The following CSMD1 variants were observed in gnomAD, a reference collection of about 807,000 sequenced individuals.
The protein encoded by CSMD1 is CUB and Sushi multiple domains 1.
CSMD1 carries 213 observed loss-of-function variants against 417.5 expected under a neutral mutation model. That is an observed-to-expected ratio of 0.51 (90% CI 0.46 to 0.57). The LOEUF (loss-of-function observed/expected upper bound fraction) is 0.57, where lower values mean the gene tolerates loss of function less well. Among genes scored for constraint, CSMD1 ranks in the 20% least tolerant of loss-of-function variants. The pLI, the probability that CSMD1 is intolerant of heterozygous loss-of-function variation, is 0.00. For synonymous variants in CSMD1, 2,862 were observed against 1,736.8 expected (o/e 1.65, Z -16.11); for missense variants, 6,923 against 4,529.7 (o/e 1.53, Z -15.17).
chr8:3,248,047 G>A (rs1799999631), intron 26 of CSMD1, among the ~76,000 whole-genome samples: 1 of 152,144 alleles, frequency 6.6e-6, no homozygotes, highest in African/African-American at 2.4e-5. Flanking sequence ...AACAACACCG[G>A]CTGTGCAAAG....
chr8:4,942,066 A>C (rs1157225113), intron 1 of CSMD1, among the ~76,000 whole-genome samples: 1 of 152,160 alleles, frequency 6.6e-6, no homozygotes, highest in Non-Finnish European at 1.5e-5. Context: ...TACTTTAAGA[A>C]TCTCTCTTCA....
At chr8:4,512,952 C>T (rs939541485) in intron 2 of CSMD1, among the ~76,000 whole-genome samples, 8 of 151,914 alleles carry the variant, frequency 5.3e-5, no homozygotes, top group African/African-American at 1.9e-4. Flanking sequence ...TTCGAAACAG[C>T]AAAATTAGGG....
chr8:4,054,129 C>G (rs544386397), intron 3 of CSMD1, among the ~76,000 whole-genome samples: 46 of 152,256 alleles, frequency 3.0e-4, no homozygotes, highest in African/African-American at 1.1e-3. Context: ...CCATTCTCCA[C>G]TTTTTTCTAT....
At chr8:2,988,190 C>G (rs1281653342) in intron 54 of CSMD1, among the ~76,000 whole-genome samples, 3 of 152,030 alleles carry the variant, frequency 2.0e-5, no homozygotes, top group African/African-American at 7.2e-5. Context: ...CATAATGATT[C>G]TTTAGTGAAG....
intron 1 of CSMD1, among the ~76,000 whole-genome samples, chr8:4,856,294 C>T (rs1012463155): frequency 1.4e-5 from 2 of 144,376 alleles, no homozygotes; most frequent in Non-Finnish European, 3.0e-5. Flanking sequence ...ACAAACGGTA[C>T]CAGCTGCTGC....
chr8:3,787,982 G>T (rs987688436), intron 5 of CSMD1, among the ~76,000 whole-genome samples: 9 of 152,182 alleles, frequency 5.9e-5, no homozygotes, highest in Non-Finnish European at 1.5e-5. Flanking sequence ...GAATAATTGG[G>T]AGCTGTGAGT....
chr8:4,298,808 A>G (rs1389017660), intron 3 of CSMD1, among the ~76,000 whole-genome samples: 1 of 152,106 alleles, frequency 6.6e-6, no homozygotes, highest in African/African-American at 2.4e-5. Context: ...TGTAAAATAC[A>G]TGTACCCTAG....
intron 3 of CSMD1, among the ~76,000 whole-genome samples, chr8:4,378,630 A>T (rs1268046943): frequency 6.6e-6 from 1 of 152,220 alleles, no homozygotes; most frequent in Non-Finnish European, 1.5e-5. Flanking sequence ...TTTGAAGACA[A>T]AAAGAATAGG....
At chr8:2,957,673 G>A (rs1171138635) in intron 63 of CSMD1, 23 bp downstream of exon 63, 1 of 1,387,436 alleles carries the variant, frequency 7.2e-7, no homozygotes, top group Non-Finnish European at 1.0e-6. Context: ...ACTTGTGATG[G>A]GGGTGGAAGA....
At chr8:3,122,266 C>CATA (rs1403640397) in intron 41 of CSMD1, among the ~76,000 whole-genome samples, 1 of 152,072 alleles carries the variant, frequency 6.6e-6, no homozygotes, top group Admixed American at 6.6e-5. Flanking sequence ...AATGTTATTA[C>CATA]TTTAAAAATA....
At chr8:4,841,357 T>G (rs1563559048) in intron 1 of CSMD1, among the ~76,000 whole-genome samples, 1 of 152,234 alleles carries the variant, frequency 6.6e-6, no homozygotes, top group Admixed American at 6.5e-5. Context: ...TTCTACAGTT[T>G]GGAACCACTG....
At chr8:4,359,430 A>G (rs1179815140) in intron 3 of CSMD1, among the ~76,000 whole-genome samples, 2 of 152,088 alleles carry the variant, frequency 1.3e-5, no homozygotes, top group African/African-American at 2.4e-5. Flanking sequence ...TTTTCTTCCT[A>G]TTTTCTCGAG....
At chr8:2,979,861 C>A (rs1409912960) in intron 54 of CSMD1, among the ~76,000 whole-genome samples, 1 of 152,140 alleles carries the variant, frequency 6.6e-6, no homozygotes, top group Non-Finnish European at 1.5e-5. Context: ...GTGTGAAGTT[C>A]GGGCAAATAA....
rs537268272 is a variant in CSMD1 at position 4,204,586 on chromosome 8, G to C, written c.416-172487C>G. 7.2e-5 allele frequency among the ~76,000 whole-genome samples: 11 copies of C among 152,216 alleles called. No individual in the cohort carries two copies. In the South Asian group the frequency reaches 8.3e-4, roughly 11 times the overall value. On this transcript the variant is annotated intron_variant, in intron 3 of 69. Transcript: ENST00000635120. ...CTATACTGAGAGGAAGATTCAATCTGACAAAAATAATTGCATAAAAGTGTG... is the reference window on the plus strand; with the variant it reads ...CTATACTGAGAGGAAGATTCAATCTCACAAAAATAATTGCATAAAAGTGTG...
chr8:3,726,033 G>A (rs898990925), intron 6 of CSMD1, among the ~76,000 whole-genome samples: 1 of 152,116 alleles, frequency 6.6e-6, no homozygotes, highest in Non-Finnish European at 1.5e-5. Flanking sequence ...TTTCTCTCTT[G>A]AAGAATTATG....
intron 3 of CSMD1, among the ~76,000 whole-genome samples, chr8:4,344,197 C>A (rs181926767): frequency 1.2e-3 from 181 of 152,182 alleles, no homozygotes; most frequent in African/African-American, 3.9e-3. Context: ...TCTCTGTAAC[C>A]GTCTCCATGG....
chr8:3,245,631 C>T (rs925972934), intron 26 of CSMD1, among the ~76,000 whole-genome samples: 15 of 152,174 alleles, frequency 9.9e-5, no homozygotes, highest in East Asian at 3.9e-4. Context: ...CTAAATCTTC[C>T]GCAGGCACCT....
At chr8:4,349,267 T>C (rs1800950454) in intron 3 of CSMD1, among the ~76,000 whole-genome samples, 1 of 152,180 alleles carries the variant, frequency 6.6e-6, no homozygotes. Flanking sequence ...ACCAGTGGTT[T>C]TCAAAAACAA....
Position 3,785,894 on chromosome 8 carries a change from T to G in CSMD1, c.819-31852A>C, listed in dbSNP as rs1057358642. 5.3e-5 allele frequency among the ~76,000 whole-genome samples: 8 copies of G among 152,340 alleles called. No individual in the cohort carries two copies. The East Asian group carries it at 9.7e-4, about 18-fold the overall frequency. On this transcript the variant is annotated intron_variant, in intron 5 of 69. Coordinates refer to ENST00000635120, the MANE Select transcript of CSMD1 (RefSeq NM_033225.6). ...GATATGTCATGTTTGTGTCTAAACA[T>G]TAACAAGATTTCTCTGTACACCATT...
Sources: allele counts gnomAD v4.1 joint callset (sites outside exome capture counted in the v4.1 genomes callset), GRCh38; gene constraint gnomAD v4.1.1; transcripts MANE v1.5; gene names NCBI Gene and HGNC (gene_info 2026-07-23, HGNC 2026-07-21).